MACROD2: variants seen among roughly 807,000 people sequenced by gnomAD.
MACROD2 encodes the protein mono-ADP ribosylhydrolase 2.
In MACROD2, 36 loss-of-function variants were observed where a neutral mutation model predicts 70.4. That is an observed-to-expected ratio of 0.51 (90% CI 0.39 to 0.68). MACROD2 has a LOEUF of 0.68. Ranked by LOEUF, MACROD2 falls within the 30% of genes least tolerant of loss-of-function variation. MACROD2 has a pLI of 0.00. For synonymous variants in MACROD2, 172 were observed against 178.8 expected, an observed-to-expected ratio of 0.96 and a Z score of 0.30; for missense variants, 496 against 538.4, an observed-to-expected ratio of 0.92 and a Z score of 0.78.
chr20:15,878,837 A>T (rs117112035), intron 9 of MACROD2, among the ~76,000 whole-genome samples: 1 of 152,300 alleles, frequency 6.6e-6, no homozygotes, highest in Non-Finnish European at 1.5e-5. Context: ...TCTGAAGTAT[A>T]TAAAGCTAGC....
chr20:14,532,366 C>T (rs1465538169), intron 4 of MACROD2, among the ~76,000 whole-genome samples: 7 of 151,274 alleles, frequency 4.6e-5, no homozygotes, highest in East Asian at 1.9e-4. Context: ...TACAGGCGCC[C>T]GCCACCATGC....
chr20:16,035,170 A>T (rs1409260016), intron 15 of MACROD2, among the ~76,000 whole-genome samples: 145 of 4,726 alleles, frequency 0.031, 4 homozygotes, highest in African/African-American at 0.042. Flanking sequence ...TATAAAATAT[A>T]AAATATTATA....
chr20:15,880,975 A>G (rs936242811), intron 9 of MACROD2, among the ~76,000 whole-genome samples: 5 of 151,998 alleles, frequency 3.3e-5, no homozygotes, highest in African/African-American at 1.2e-4. Flanking sequence ...TGGCTCTTGT[A>G]TATTTCCCAA....
chr20:15,193,404 A>G (rs1210063012), intron 5 of MACROD2, among the ~76,000 whole-genome samples: 1 of 152,152 alleles, frequency 6.6e-6, no homozygotes, highest in Non-Finnish European at 1.5e-5. Flanking sequence ...GATGCTTGGA[A>G]GGCTGAGGTG....
intron 5 of MACROD2, among the ~76,000 whole-genome samples, chr20:15,102,795 G>T (rs1480280721): frequency 1.3e-5 from 2 of 151,964 alleles, no homozygotes; most frequent in East Asian, 3.9e-4. Flanking sequence ...CCCAAATGTG[G>T]CAGGAGAAAG....
intron 5 of MACROD2, among the ~76,000 whole-genome samples, chr20:14,898,831 T>G (rs2073861398): frequency 4.6e-5 from 7 of 152,158 alleles, no homozygotes; most frequent in Admixed American, 4.6e-4. Flanking sequence ...CATTGGCTTC[T>G]GAATGAGAGG....
intron 5 of MACROD2, among the ~76,000 whole-genome samples, chr20:14,782,928 G>A (rs546856554): frequency 6.6e-6 from 1 of 152,258 alleles, no homozygotes; most frequent in East Asian, 1.9e-4. Context: ...ACAAGGCACA[G>A]CAGTGCATAC....
chr20:15,795,673 G>A (rs1188815593), intron 8 of MACROD2, among the ~76,000 whole-genome samples: 1 of 152,124 alleles, frequency 6.6e-6, no homozygotes, highest in Non-Finnish European at 1.5e-5. Flanking sequence ...GGCTTGTCTT[G>A]GGAGTCTGAG....
chr20:14,509,890 C>A (rs2085010213), intron 4 of MACROD2, among the ~76,000 whole-genome samples: 1 of 151,998 alleles, frequency 6.6e-6, no homozygotes, highest in Non-Finnish European at 1.5e-5. Flanking sequence ...TATTTTAGTG[C>A]ATATATGCTG....
chr20:14,126,468 C>A (rs6110178), intron 3 of MACROD2, among the ~76,000 whole-genome samples: 2 of 151,862 alleles, frequency 1.3e-5, no homozygotes, highest in East Asian at 1.9e-4. Context: ...GTAGGCATAC[C>A]TCATTTATTG....
chr20:14,201,451 A>G (rs191250314), intron 3 of MACROD2, among the ~76,000 whole-genome samples: 1 of 152,336 alleles, frequency 6.6e-6, no homozygotes, highest in Non-Finnish European at 1.5e-5. Context: ...AAGAAATCTT[A>G]CAAAGGGAAA....
intron 5 of MACROD2, among the ~76,000 whole-genome samples, chr20:14,985,630 T>G (rs1201297062): frequency 2.6e-5 from 4 of 151,350 alleles, no homozygotes; most frequent in Non-Finnish European, 5.9e-5. Flanking sequence ...GCTAATGGAG[T>G]AGACATTGGT....
chr20:14,114,873 G>A (rs1472866296), intron 3 of MACROD2, among the ~76,000 whole-genome samples: 6 of 152,160 alleles, frequency 3.9e-5, no homozygotes, highest in African/African-American at 1.4e-4. Context: ...GCTTATTAAA[G>A]TAATATCTTC....
rs897528620 is a variant in MACROD2, at chr20:14,654,835, A to G, written c.302-30008A>G. Among the ~76,000 whole-genome samples, 20 of 152,200 alleles carry G rather than the reference A, an allele frequency of 1.3e-4. 1 individual carries two copies. Among genetic ancestry groups the G allele is most frequent in the Admixed American group, 1.3e-3 (20 of 15,290 alleles). Reference sequence around the variant, plus strand: ...TCCCCCTTTTTAGCAAACACTGAACATTGATAGTGTGTTATGATAAATTAA... The same window carrying G: ...TCCCCCTTTTTAGCAAACACTGAACGTTGATAGTGTGTTATGATAAATTAA... On this transcript the variant is annotated intron_variant, in intron 4 of 17. Transcript: ENST00000684519.
intron 8 of MACROD2, among the ~76,000 whole-genome samples, chr20:15,761,580 A>G (rs2051436848): frequency 6.6e-6 from 1 of 152,168 alleles, no homozygotes; most frequent in African/African-American, 2.4e-5. Context: ...GTATATCCAC[A>G]TTTTGTTATA....
chr20:14,078,325 G>C (rs1176944069), intron 2 of MACROD2, among the ~76,000 whole-genome samples: 1 of 152,178 alleles, frequency 6.6e-6, no homozygotes, highest in Non-Finnish European at 1.5e-5. Flanking sequence ...TTGTTTCATA[G>C]TTATCGAGGA....
rs140809606 is a variant in MACROD2, at chr20:15,118,195, A to ATTTT, written c.419-111745_419-111744insTTTT. Among the ~76,000 whole-genome samples, 78 of 113,860 alleles carry ATTTT rather than the reference A, an allele frequency of 6.9e-4. 3 individuals carry two copies. The highest frequency in any genetic ancestry group is 1.8e-3 in the African/African-American group (67 of 37,124). The allele number at this position is 113,860 out of a possible 152,430, so 74.7% of individuals were successfully genotyped here. A position where few individuals can be genotyped will look rare whatever the true frequency, so the allele number is the denominator to read the frequency against. ...CTAAAGTGAGCTTTTTTTAATTTTA[A>ATTTT]ATTTTTTTTTTTTTTTGAGCCAGGG... On this transcript the variant is annotated intron_variant, in intron 5 of 17. Coordinates refer to ENST00000684519, the MANE Select transcript of MACROD2 (RefSeq NM_001351661.2).
chr20:15,898,126 C>A (rs6074964), intron 10 of MACROD2, among the ~76,000 whole-genome samples: 123,543 of 152,110 alleles, frequency 0.81, 52,040 homozygotes, highest in Non-Finnish European at 0.94. Flanking sequence ...TTCTCACGAC[C>A]AATGCTAAAA....
chr20:14,736,568 CACA>C lies in MACROD2; in HGVS notation c.418+51616_418+51618del, dbSNP rs542470150. Among the ~76,000 whole-genome samples the C allele has an allele frequency of 2.0e-4, 30 of 152,174 alleles. No individual in the cohort carries two copies. The South Asian group carries it at 3.5e-3, about 18-fold the overall frequency. On this transcript the variant is annotated intron_variant, in intron 5 of 17. Coordinates refer to ENST00000684519, the MANE Select transcript of MACROD2 (RefSeq NM_001351661.2). Reference sequence around the variant, plus strand: ...TTCATGTATTTACATGAAGTATCTCCACAACAACAGTGATATCATTAATATCAG... The same window carrying C: ...TTCATGTATTTACATGAAGTATCTCCACAACAGTGATATCATTAATATCAG...
Sources: allele counts gnomAD v4.1 joint callset (sites outside exome capture counted in the v4.1 genomes callset), GRCh38; gene constraint gnomAD v4.1.1; transcripts MANE v1.5; gene names NCBI Gene and HGNC (gene_info 2026-07-23, HGNC 2026-07-21).